TUBA3E: variants seen among roughly 807,000 people sequenced by gnomAD.
TUBA3E encodes tubulin alpha 3e.
A neutral mutation model predicts 36.7 loss-of-function variants in TUBA3E; 21 were observed. The ratio of observed to expected loss-of-function variants is 0.57; its 90% confidence interval spans 0.41 to 0.83. The LOEUF is 0.83. Ranked by LOEUF, TUBA3E falls within the 40% of genes least tolerant of loss-of-function variation. The probability of loss-of-function intolerance (pLI) is 0.00; values close to 1 mark genes in which losing one functional copy is unlikely to be tolerated. For missense variants in TUBA3E, 469 were observed against 604.2 expected, an observed-to-expected ratio of 0.78 and a Z score of 2.35; for synonymous variants, 177 against 241.9, an observed-to-expected ratio of 0.73 and a Z score of 2.49.
rs1158027383 is a variant in TUBA3E at position 130,196,338 on chromosome 2, C to A, written c.37G>T (p.Gly13Cys). ...CAGCAGGCATTGCCGATCTGGACAC[C>A]CGCCTGCCCCACGTGGATAGAGATA... ...ECISIHVGQA[G>C]VQIGNACWEL... Residue 13 changes from glycine (G) to cysteine (C), a missense_variant, in exon 2 of 5, where the codon GGT becomes TGT. Gly to Cys is a radical substitution (Grantham distance 159). Transcript: ENST00000312988. The A allele has an allele frequency of 6.2e-7, 1 of 1,614,016 alleles. No homozygotes were observed. The highest frequency in any genetic ancestry group is 8.5e-7 in the Non-Finnish European group (1 of 1,179,912).
Sources: gnomAD v4.1 joint callset for allele counts on GRCh38, gnomAD v4.1.1 for gene constraint, MANE v1.5 for transcripts, NCBI Gene and HGNC (gene_info 2026-07-23, HGNC 2026-07-21) for gene names.